The following MCM9 variants were observed in gnomAD, a reference collection of about 807,000 sequenced individuals.
MCM9 encodes the protein DNA helicase MCM9.
In MCM9, 55 loss-of-function variants were observed where a neutral mutation model predicts 72.8. The observed-to-expected ratio is 0.76, with a 90% confidence interval of 0.61 to 0.95. The LOEUF (loss-of-function observed/expected upper bound fraction) is 0.95, where lower values mean the gene tolerates loss of function less well. MCM9 is among the 40% of genes least tolerant of loss of function. The pLI is 0.00. For missense variants in MCM9, 1,279 were observed against 1,377.0 expected, an observed-to-expected ratio of 0.93 and a Z score of 1.13; for synonymous variants, 480 against 503.4, an observed-to-expected ratio of 0.95 and a Z score of 0.62.
chr6:118,887,210 G>A (rs1180125050), intron 8 of MCM9, among the ~76,000 whole-genome samples: 2 of 151,984 alleles, frequency 1.3e-5, no homozygotes, highest in Non-Finnish European at 2.9e-5. Context: ...CAAGGTTGGA[G>A]GACTCACACT....
intron 4 of MCM9, among the ~76,000 whole-genome samples, chr6:118,922,451 G>C (rs1781507217): frequency 1.3e-5 from 2 of 152,192 alleles, no homozygotes; most frequent in Admixed American, 1.3e-4. Flanking sequence ...CAGTCCCTAT[G>C]ATTACTCCTT....
intron 8 of MCM9, among the ~76,000 whole-genome samples, chr6:118,867,547 A>G (rs922527844): frequency 9.9e-5 from 15 of 152,156 alleles, no homozygotes; most frequent in Non-Finnish European, 5.9e-5. Context: ...ATTTTACTGT[A>G]TATTTTATAT....
chr6:118,891,482 G>T (rs1778938095), intron 8 of MCM9, among the ~76,000 whole-genome samples: 1 of 152,184 alleles, frequency 6.6e-6, no homozygotes, highest in African/African-American at 2.4e-5. Flanking sequence ...AGATCAAGGT[G>T]TTGGCAGGTT....
At chr6:118,834,474 C>G (rs556525987) in intron 9 of MCM9, among the ~76,000 whole-genome samples, 1 of 152,290 alleles carries the variant, frequency 6.6e-6, no homozygotes, top group Admixed American at 6.5e-5. Flanking sequence ...TACACACCCA[C>G]CAACAGTGTA....
At chr6:118,881,883 CTTCTT>C (rs1778308929) in intron 8 of MCM9, among the ~76,000 whole-genome samples, 2 of 152,172 alleles carry the variant, frequency 1.3e-5, no homozygotes, top group Admixed American at 6.5e-5. Flanking sequence ...CTCCCCTTCT[CTTCTT>C]GCTTAGCTGG....
intron 8 of MCM9, among the ~76,000 whole-genome samples, chr6:118,876,738 C>T (rs910955737): frequency 4.6e-5 from 7 of 152,250 alleles, no homozygotes; most frequent in Admixed American, 3.9e-4. Context: ...AACGTATTTG[C>T]AAATCCTTTA....
intron 8 of MCM9, among the ~76,000 whole-genome samples, chr6:118,891,499 A>T (rs1562425290): frequency 6.6e-6 from 1 of 152,152 alleles, no homozygotes; most frequent in Non-Finnish European, 1.5e-5. Flanking sequence ...GGTTTGGTTT[A>T]TTCTAAAGCC....
In MCM9 at chr6:118,917,706, T is replaced by A. The variant is rs770822820; in HGVS notation, c.759A>T (p.Gln253His). The A allele has an allele frequency of 6.2e-7, 1 of 1,614,158 alleles. No homozygotes were observed. The highest frequency in any genetic ancestry group is 8.5e-7 in the Non-Finnish European group (1 of 1,180,022). Residue 253 changes from glutamine to histidine, a missense_variant, in exon 6 of 14, where the codon CAA becomes CAT. Gln to His is a conservative substitution (Grantham distance 24, BLOSUM62 0). Coordinates refer to ENST00000619706, the MANE Select transcript of MCM9 (RefSeq NM_017696.3). ...IVMQRWKPFQ[Q>H]DVRCEVEIVL... ...CTATCTCCACTTCACAGCGCACATCTTGCTGAAAGGGCTTCCACCGTTGCA... is the reference window on the plus strand; with the variant it reads ...CTATCTCCACTTCACAGCGCACATCATGCTGAAAGGGCTTCCACCGTTGCA...
In MCM9 at chr6:118,856,518, G is replaced by A. The variant is rs1267166787; in HGVS notation, c.1178C>T (p.Ser393Leu). 1.3e-6 allele frequency: 2 copies of A among 1,535,512 alleles called. No homozygotes were observed. The highest frequency in any genetic ancestry group is 2.7e-5 in the African/African-American group (2 of 73,022). The change falls in exon 9 of 14, where the codon TCA becomes TTA. Residue 393 changes from serine to leucine, a missense_variant. Coordinates refer to ENST00000619706, the MANE Select transcript of MCM9 (RefSeq NM_017696.3). ...AGLTVTAVKD[S>L]GEWNLEAGAL... Reference sequence around the variant, plus strand: ...CCCAGCCTCCAAATTCCATTCTCCTGAGTCTTTTACAGCAGTTACCGTCAG... The same window carrying A: ...CCCAGCCTCCAAATTCCATTCTCCTAAGTCTTTTACAGCAGTTACCGTCAG...
At chr6:118,849,252 G>A (rs1776076155) in intron 9 of MCM9, among the ~76,000 whole-genome samples, 1 of 151,782 alleles carries the variant, frequency 6.6e-6, no homozygotes, top group African/African-American at 2.4e-5. Flanking sequence ...AAGTACAAAT[G>A]TTAAAGGCCA....
chr6:118,831,340 CAAAAAA>C (rs869238859), intron 9 of MCM9, among the ~76,000 whole-genome samples: 1 of 71,416 alleles, frequency 1.4e-5, no homozygotes, highest in Non-Finnish European at 2.8e-5. Flanking sequence ...GAGACCATCT[CAAAAAA>C]AAAAAAAAAA....
chr6:118,816,419 A>G (rs1773411093), intron 13 of MCM9, 125 bp from the exon 14 acceptor site: 6 of 710,764 alleles, frequency 8.4e-6, no homozygotes, highest in African/African-American at 3.6e-5. Context: ...CCAAGTTAAT[A>G]TCAAATACAA....
At chr6:118,843,584 C>T (rs971991582) in intron 9 of MCM9, among the ~76,000 whole-genome samples, 12 of 104,342 alleles carry the variant, frequency 1.2e-4, no homozygotes, top group Admixed American at 4.5e-4. Flanking sequence ...GCCAAGATTG[C>T]GCCACTGCAC....
intron 8 of MCM9, among the ~76,000 whole-genome samples, chr6:118,874,800 T>C (rs939009249): frequency 6.6e-6 from 1 of 152,196 alleles, no homozygotes; most frequent in African/African-American, 2.4e-5. Flanking sequence ...ACAAGGTGAT[T>C]TGAAATTAAA....
chr6:118,906,003 T>C (rs1330432025), intron 8 of MCM9, among the ~76,000 whole-genome samples: 1 of 152,220 alleles, frequency 6.6e-6, no homozygotes, highest in African/African-American at 2.4e-5. Context: ...CTTCAAACCC[T>C]ACCTTCAGAT....
In MCM9 at chr6:118,922,086, C is replaced by G; in HGVS notation, c.622G>C (p.Val208Leu). 6.2e-7 allele frequency: 1 copy of G among 1,606,324 alleles called. No homozygotes were observed. Among genetic ancestry groups the G allele is most frequent in the South Asian group, 1.1e-5 (1 of 88,820 alleles). ...ATACTTCCAACAGATAGCCTTTGAA[C>G]CTAGCAAAGAAAAGAAAACAGATTC... ...DYQEIKIQEQ[V>L]QRLSVGSIPR... The change falls in exon 5 of 14, where the codon GTT (valine) becomes CTT (leucine). Residue 208 changes from valine to leucine, a missense_variant and splice_region_variant. Val to Leu is a conservative substitution (Grantham distance 32). Coordinates refer to ENST00000619706, the MANE Select transcript of MCM9 (RefSeq NM_017696.3).
At chr6:118,894,582 C>A (rs1779213700) in intron 8 of MCM9, 2 of 1,398,302 alleles carry the variant, frequency 1.4e-6, no homozygotes, top group Non-Finnish European at 2.0e-6. Flanking sequence ...TTGAAAGTTT[C>A]CCGGGCCGGG....
rs1562440036 is a variant in MCM9 at position 118,924,104 on chromosome 6, C to T, written c.328G>A (p.Val110Met). The change falls in exon 4 of 14, where the codon GTG (valine) becomes ATG (methionine). Residue 110 changes from valine to methionine, a missense_variant. Coordinates refer to ENST00000619706, the MANE Select transcript of MCM9 (RefSeq NM_017696.3). Reference protein sequence around the residue: ...ISGLPVCPELVREHIPKTKDV... With the variant: ...ISGLPVCPELMREHIPKTKDV... The stretch of plus-strand genomic sequence containing the variant: ...TTGGTTTTAGGTATGTGTTCCCTCA[C>T]CAGCTCAGGACAGACAGGCAAACCT... 6.2e-7 allele frequency: 1 copy of T among 1,614,016 alleles called. No homozygotes were observed. Among genetic ancestry groups the T allele is most frequent in the Non-Finnish European group, 8.5e-7 (1 of 1,180,010 alleles).
intron 8 of MCM9, chr6:118,894,600 C>T: frequency 1.6e-6 from 2 of 1,265,932 alleles, no homozygotes; most frequent in Non-Finnish European, 2.2e-6. Context: ...GGGCCTCGCG[C>T]TGGGCGGCTG....
Sources: gnomAD v4.1 joint callset for allele counts (sites outside exome capture counted in the v4.1 genomes callset) on GRCh38, gnomAD v4.1.1 for gene constraint, MANE v1.5 for transcripts, NCBI Gene and HGNC (gene_info 2026-07-23, HGNC 2026-07-21) for gene names.